Variants in STK17B observed in about 807,000 individuals in gnomAD.
STK17B encodes serine/threonine-protein kinase 17B.
STK17B carries 21 observed loss-of-function variants against 42.0 expected under a neutral mutation model. The observed-to-expected ratio is 0.50, with a 90% CI of 0.35 to 0.72. The LOEUF (loss-of-function observed/expected upper bound fraction) is 0.72, where lower values mean the gene tolerates loss of function less well. Ranked by LOEUF, STK17B falls within the 30% of genes least tolerant of loss-of-function variation. The probability of loss-of-function intolerance (pLI) is 0.00; values close to 1 mark genes in which losing one functional copy is unlikely to be tolerated. For missense variants in STK17B, 349 were observed against 446.0 expected, an observed-to-expected ratio of 0.78 and a Z score of 1.96; for synonymous variants, 143 against 148.4, an observed-to-expected ratio of 0.96 and a Z score of 0.26.
chr2:196,164,665 T>C (rs1242624673), intron 1 of STK17B, among the ~76,000 whole-genome samples: 1 of 152,178 alleles, frequency 6.6e-6, no homozygotes, highest in Admixed American at 6.6e-5. Flanking sequence ...TAAATTCAAA[T>C]GCCAACTATA....
chr2:196,143,784 T>G, intron 4 of STK17B, 98 bp from the exon 5 acceptor site: 1 of 1,105,436 alleles, frequency 9.0e-7, no homozygotes. Flanking sequence ...GCTCAGCTAT[T>G]ATACATTTCA....
upstream of STK17B, among the ~76,000 whole-genome samples, chr2:196,173,154 T>C (rs1699968083): frequency 6.6e-6 from 1 of 152,198 alleles, no homozygotes; most frequent in South Asian, 2.1e-4. Flanking sequence ...CTGGCACCAC[T>C]GTAAGCCAGT....
Position 196,156,626 on chromosome 2 carries a change from A to T in STK17B, c.148T>A (p.Cys50Ser). The stretch of plus-strand genomic sequence containing the variant: ...TCTTGGCCAGTAGATTTTGATATAC[A>T]TTGTCTAACCACAGCAAATTTTCCT... ...GRGKFAVVRQ[C>S]ISKSTGQEYA... Residue 50 changes from cysteine (C) to serine (S), a missense_variant, in exon 3 of 8, where the codon TGT becomes AGT. By Grantham distance (112) the Cys-to-Ser change is moderately radical. Transcript: ENST00000263955. 1 of 1,613,858 alleles carries T rather than the reference A, an allele frequency of 6.2e-7. No individual in the cohort carries two copies. The highest frequency in any genetic ancestry group is 8.5e-7 in the Non-Finnish European group (1 of 1,179,872).
At chr2:196,159,539 T>G (rs773088028) in intron 2 of STK17B, among the ~76,000 whole-genome samples, 1 of 152,162 alleles carries the variant, frequency 6.6e-6, no homozygotes, top group Admixed American at 6.5e-5. Context: ...TTCAAACTCC[T>G]GGGCTCAAAC....
At chr2:196,164,631 T>C (rs1272234748) in intron 1 of STK17B, among the ~76,000 whole-genome samples, 4 of 152,170 alleles carry the variant, frequency 2.6e-5, no homozygotes, top group Non-Finnish European at 5.9e-5. Context: ...ATTTTCTACT[T>C]ATATGTACTG....
At chr2:196,172,187 G>A (rs984212785), upstream of STK17B, among the ~76,000 whole-genome samples, 3 of 152,200 alleles carry the variant, frequency 2.0e-5, no homozygotes, top group African/African-American at 7.2e-5. Flanking sequence ...TGTCCCTTCT[G>A]AGGCACTGAC....
At chr2:196,146,686 T>C (rs903639878) in intron 3 of STK17B, among the ~76,000 whole-genome samples, 1 of 152,146 alleles carries the variant, frequency 6.6e-6, no homozygotes, top group African/African-American at 2.4e-5. Context: ...TACATCTATA[T>C]GTATTCATAT....
intron 6 of STK17B, 138 bp from the exon 7 acceptor site, chr2:196,139,937 C>T (rs982642136): frequency 1.3e-5 from 7 of 542,028 alleles, no homozygotes; most frequent in Non-Finnish European, 1.7e-5. Flanking sequence ...TTCAAAGTTC[C>T]TATATTATTA....
intron 7 of STK17B, among the ~76,000 whole-genome samples, chr2:196,139,109 G>A (rs1266246971): frequency 6.6e-6 from 1 of 152,062 alleles, no homozygotes; most frequent in Non-Finnish European, 1.5e-5. Context: ...GACTACAGAT[G>A]CCTGCCACCA....
Position 196,134,464 on chromosome 2 carries a change from T to C in STK17B, c.*2983A>G, listed in dbSNP as rs1699367914. 6.6e-6 allele frequency: 1 copy of C among 152,104 alleles called. No homozygotes were observed. Among genetic ancestry groups the C allele is most frequent in the East Asian group, 1.9e-4 (1 of 5,190 alleles). 9.4% of individuals were successfully genotyped at this position (152,104 alleles called of 1,614,324 possible). A position where few individuals can be genotyped will look rare whatever the true frequency, so the allele number is the denominator to read the frequency against. On this transcript the variant is annotated 3_prime_UTR_variant, in exon 8 of 8. Transcript: ENST00000263955. ...CTCCTTATGAGAATCTAATGATAAA[T>C]GTAATGTACTTGAATCATCCTGAAA...
chr2:196,141,168 T>G (rs1699488951), intron 6 of STK17B, 81 bp downstream of exon 6: 1 of 966,986 alleles, frequency 1.0e-6, no homozygotes, highest in Admixed American at 2.6e-5. Context: ...TATTATTTAT[T>G]ACTCTTGGAG....
At chr2:196,155,777 C>T (rs560753077) in intron 3 of STK17B, among the ~76,000 whole-genome samples, 134 of 152,282 alleles carry the variant, frequency 8.8e-4, no homozygotes, top group African/African-American at 3.0e-3. Context: ...TGTCAATATA[C>T]TAGGTAACAA....
In STK17B at chr2:196,136,150, T is replaced by G. The variant is rs530649451; in HGVS notation, c.*1297A>C. On this transcript the variant is annotated 3_prime_UTR_variant, in exon 8 of 8. Coordinates refer to ENST00000263955, the MANE Select transcript of STK17B (RefSeq NM_004226.4). ...TATTTCTTCTGATACAGCAACATGG[T>G]CATGAGATCACAGTTATCGTAACAT... The G allele has an allele frequency of 6.6e-6, 1 of 152,242 alleles. No homozygotes were observed. Among genetic ancestry groups the G allele is most frequent in the Non-Finnish European group, 1.5e-5 (1 of 68,044 alleles). The allele number at this position is 152,242 out of a possible 1,614,324, so 9.4% of individuals were successfully genotyped here.
chr2:196,152,107 CTTTTT>C (rs56369141), intron 3 of STK17B, among the ~76,000 whole-genome samples: 5 of 130,782 alleles, frequency 3.8e-5, no homozygotes, highest in East Asian at 2.2e-4. Context: ...AAAAAAGTGC[CTTTTT>C]TTTTTTTTTT....
chr2:196,172,464 T>G (rs1575191757), upstream of STK17B, among the ~76,000 whole-genome samples: 2 of 152,236 alleles, frequency 1.3e-5, no homozygotes, highest in East Asian at 1.9e-4. Flanking sequence ...TTACGATAAT[T>G]GCAGAAAACC....
chr2:196,137,578 A>C lies in STK17B; in HGVS notation c.988T>G (p.Cys330Gly). ...SSEDKTSKSS[C>G]NGTCGDREDK... is the part of the protein sequence containing the mutation. ...TCTCTATCACCACAGGTTCCATTAC[A>C]GGAGGATTTAGAAGTCTTGTCTTCA... Residue 330 changes from cysteine (C) to glycine (G), a missense_variant, in exon 8 of 8, where the codon TGT (cysteine) becomes GGT (glycine). By Grantham distance (159) the Cys-to-Gly change is radical (BLOSUM62 -3). This residue lies in a region of STK17B where 87 missense variants were observed against 78.8 expected (regional missense o/e 1.10). Transcript: ENST00000263955. 6.2e-7 allele frequency: 1 copy of C among 1,614,132 alleles called. No homozygotes were observed. The highest frequency in any genetic ancestry group is 8.5e-7 in the Non-Finnish European group (1 of 1,179,998).
At position 196,137,323 on chromosome 2, in the gene STK17B, A is replaced by G; in HGVS notation, c.*124T>C. On this transcript the variant is annotated 3_prime_UTR_variant, in exon 8 of 8. Coordinates refer to ENST00000263955, the MANE Select transcript of STK17B (RefSeq NM_004226.4). ...TAATTTAACATTAAAACACTTCCCT[A>G]AATTATTCCATGGAAAAGTGCATTT... 1 of 1,079,596 alleles carries G rather than the reference A, an allele frequency of 9.3e-7. No individual in the cohort carries two copies. The highest frequency in any genetic ancestry group is 2.6e-5 in the East Asian group (1 of 38,630). 66.9% of individuals were successfully genotyped at this position (1,079,596 alleles called of 1,614,324 possible).
chr2:196,159,017 AAAAAAAAC>A lies in STK17B; in HGVS notation c.123-2374_123-2367del. On this transcript the variant is annotated intron_variant, in intron 2 of 7. Transcript: ENST00000263955. Reference sequence around the variant, plus strand: ...CAGAGCAAGACTGTGTCTCAAAAAAAAAAAAAACAAAAAAACAGTTTTGTTAAAGAAGT... The same window carrying A: ...CAGAGCAAGACTGTGTCTCAAAAAAAAAAAAAACAGTTTTGTTAAAGAAGT... Among the ~76,000 whole-genome samples the A allele has an allele frequency of 2.0e-5, 3 of 151,742 alleles. No individual in the cohort carries two copies. The Middle Eastern group carries it at 0.01, about 516-fold the overall frequency.
intron 2 of STK17B, among the ~76,000 whole-genome samples, chr2:196,160,992 A>G (rs1699804264): frequency 6.6e-6 from 1 of 152,220 alleles, no homozygotes; most frequent in Non-Finnish European, 1.5e-5. Context: ...AATGTCCCCA[A>G]TTTTGAAAAG....
Sources: allele counts gnomAD v4.1 joint callset (sites outside exome capture counted in the v4.1 genomes callset), GRCh38; gene constraint gnomAD v4.1.1; regional missense constraint gnomAD v4.1.1; transcripts MANE v1.5; gene names NCBI Gene and HGNC (gene_info 2026-07-23, HGNC 2026-07-21).